BANK1: variants seen among roughly 807,000 people sequenced by gnomAD.
BANK1 encodes B-cell scaffold protein with ankyrin repeats.
A neutral mutation model predicts 94.5 loss-of-function variants in BANK1; 95 were observed. The ratio of observed to expected loss-of-function variants is 1.00; its 90% CI spans 0.85 to 1.19. The LOEUF (loss-of-function observed/expected upper bound fraction) is 1.19, where lower values mean the gene tolerates loss of function less well. BANK1 is among the 50% of genes most tolerant of loss of function. BANK1 has a pLI of 0.00. For synonymous variants in BANK1, 334 were observed against 308.4 expected (o/e 1.08, Z -0.87); for missense variants, 987 against 932.2 (o/e 1.06, Z -0.77).
chr4:101,963,490 T>C (rs549733583), intron 7 of BANK1, among the ~76,000 whole-genome samples: 10 of 152,256 alleles, frequency 6.6e-5, no homozygotes, highest in African/African-American at 2.4e-4. Flanking sequence ...AGCAACATAG[T>C]TGTTTACACA....
In BANK1 at chr4:101,808,915, T is replaced by C. The variant is rs182353600; in HGVS notation, c.70+17965T>C. ...CTGGTAGTGGGAATGTAAACTAGTATAACCACTATGGAAAACAGTATGGAG... is the reference window on the plus strand; with the variant it reads ...CTGGTAGTGGGAATGTAAACTAGTACAACCACTATGGAAAACAGTATGGAG... On this transcript the variant is annotated intron_variant, in intron 1 of 16. Transcript: ENST00000322953. 3.3e-4 allele frequency among the ~76,000 whole-genome samples: 50 copies of C among 152,234 alleles called. No homozygotes were observed. The East Asian group carries it at 9.5e-3, about 29-fold the overall frequency.
intron 7 of BANK1, among the ~76,000 whole-genome samples, chr4:101,966,293 A>C (rs1724753412): frequency 6.6e-6 from 1 of 152,010 alleles, no homozygotes; most frequent in Non-Finnish European, 1.5e-5. Flanking sequence ...CTTTTAAAAA[A>C]TACCTGATTT....
rs984024397 is a variant in BANK1, at chr4:102,033,784, A to G, written c.1900+3519A>G. 9.8e-5 allele frequency among the ~76,000 whole-genome samples: 15 copies of G among 152,292 alleles called. No homozygotes were observed. The South Asian group carries it at 3.1e-3, about 32-fold the overall frequency. ...TTTTTGGCAATTAAGTATATAAAAT[A>G]GGTATGGTTATTTACCCTGTATCCC... On this transcript the variant is annotated intron_variant, in intron 10 of 16. Coordinates refer to ENST00000322953, the MANE Select transcript of BANK1 (RefSeq NM_017935.5).
Position 101,790,909 on chromosome 4 carries a change from T to G in BANK1, c.29T>G (p.Leu10Arg), listed in dbSNP as rs1724956051. Residue 10 changes from leucine (L) to arginine (R), a missense_variant, in exon 1 of 17, where the codon CTT becomes CGT. Physicochemically the swap from Leu to Arg is moderately radical, Grantham distance 102 (BLOSUM62 -2). Coordinates refer to ENST00000322953, the MANE Select transcript of BANK1 (RefSeq NM_017935.5). MLPAAPGKG[L>R]GSPDPAPCGP... Reference sequence around the variant, plus strand: ...CTGCCAGCAGCGCCAGGCAAGGGGCTTGGGAGCCCGGACCCCGCCCCCTGC... The same window carrying G: ...CTGCCAGCAGCGCCAGGCAAGGGGCGTGGGAGCCCGGACCCCGCCCCCTGC... The G allele has an allele frequency of 2.0e-6, 3 of 1,538,350 alleles. No homozygotes were observed. The highest frequency in any genetic ancestry group is 2.6e-6 in the Non-Finnish European group (3 of 1,146,980).
At chr4:101,793,390 C>T (rs1440635832) in intron 1 of BANK1, among the ~76,000 whole-genome samples, 1 of 152,210 alleles carries the variant, frequency 6.6e-6, no homozygotes, top group African/African-American at 2.4e-5. Context: ...TGGAAATGTT[C>T]TGATAAGGTC....
chr4:101,968,778 T>C (rs1724850160), intron 7 of BANK1, among the ~76,000 whole-genome samples: 1 of 152,134 alleles, frequency 6.6e-6, no homozygotes, highest in Non-Finnish European at 1.5e-5. Context: ...AAATTTCTTA[T>C]GCAGGAGGTG....
chr4:101,843,590 C>T (rs1235165841), intron 2 of BANK1, among the ~76,000 whole-genome samples: 1 of 152,066 alleles, frequency 6.6e-6, no homozygotes, highest in African/African-American at 2.4e-5. Flanking sequence ...TTTTCTGTGT[C>T]TAGTATATTG....
intron 5 of BANK1, among the ~76,000 whole-genome samples, chr4:101,873,261 C>A (rs1403793256): frequency 1.3e-5 from 2 of 152,028 alleles, no homozygotes; most frequent in Non-Finnish European, 2.9e-5. Context: ...TTTAAAATAA[C>A]CTACTTACTT....
intron 7 of BANK1, among the ~76,000 whole-genome samples, chr4:101,951,867 A>C (rs541368801): frequency 7.7e-6 from 1 of 130,454 alleles, no homozygotes; most frequent in East Asian, 2.1e-4. Flanking sequence ...TAGATTTATA[A>C]AACAAAAAAA....
At position 102,030,342 on chromosome 4, in the gene BANK1, G is replaced by A. The variant is rs1288902734; in HGVS notation, c.1900+77G>A. 2.3e-5 allele frequency: 32 copies of A among 1,382,356 alleles called. No homozygotes were observed. In the Admixed American group the frequency reaches 7.4e-4, roughly 32 times the overall value. The allele number at this position is 1,382,356 out of a possible 1,614,324, so 85.6% of individuals were successfully genotyped here. On this transcript the variant is annotated intron_variant, in intron 10 of 16. Coordinates refer to ENST00000322953, the MANE Select transcript of BANK1 (RefSeq NM_017935.5). ...TGAGGATGGGAGGAGGGGATAAGGTGATGCAATTAATGCTCTAAAACTCCA... is the reference window on the plus strand; with the variant it reads ...TGAGGATGGGAGGAGGGGATAAGGTAATGCAATTAATGCTCTAAAACTCCA...
intron 7 of BANK1, among the ~76,000 whole-genome samples, chr4:101,970,024 C>T (rs932649354): frequency 2.6e-5 from 4 of 152,142 alleles, no homozygotes; most frequent in Admixed American, 2.0e-4. Context: ...TCTGCAAAGT[C>T]AGTAAGACAG....
chr4:101,918,175 T>C lies in BANK1; in HGVS notation c.1192T>C (p.Phe398Leu). 2 of 1,567,496 alleles carry C rather than the reference T, an allele frequency of 1.3e-6. No homozygotes were observed. Among genetic ancestry groups the C allele is most frequent in the Admixed American group, 1.8e-5 (1 of 55,176 alleles). Reference protein sequence around the residue: ...RHGHKELKKIFEDFSIQEIDI... With the variant: ...RHGHKELKKILEDFSIQEIDI... ...TGGTCACAAAGAACTCAAGAAAATC[T>C]TCGAAGACTTTTCAGTAAGTTTTTT... The change falls in exon 7 of 17, where the codon TTC becomes CTC. Residue 398 changes from phenylalanine to leucine, a missense_variant. By Grantham distance (22) the Phe-to-Leu change is conservative (BLOSUM62 0). Coordinates refer to ENST00000322953, the MANE Select transcript of BANK1 (RefSeq NM_017935.5).
chr4:102,063,212 T>G (rs1260191147), intron 13 of BANK1, 74 bp downstream of exon 13: 1 of 1,334,294 alleles, frequency 7.5e-7, no homozygotes. Context: ...TGGAGATGAT[T>G]GGGCCTGAGT....
At chr4:101,880,428 G>A (rs1728636008) in intron 5 of BANK1, among the ~76,000 whole-genome samples, 1 of 151,836 alleles carries the variant, frequency 6.6e-6, no homozygotes, top group South Asian at 2.1e-4. Flanking sequence ...GAAATAAAAT[G>A]AAGAGATGAA....
At chr4:102,058,633 T>C (rs1728312704) in intron 11 of BANK1, among the ~76,000 whole-genome samples, 1 of 151,732 alleles carries the variant, frequency 6.6e-6, no homozygotes, top group Non-Finnish European at 1.5e-5. Flanking sequence ...AGTGCCTAAA[T>C]CATTTTTCTT....
At chr4:101,894,952 C>T (rs1722009480) in intron 5 of BANK1, among the ~76,000 whole-genome samples, 2 of 151,452 alleles carry the variant, frequency 1.3e-5, no homozygotes, top group Admixed American at 6.6e-5. Context: ...ATATTTTTAC[C>T]AAAATTTATT....
intron 7 of BANK1, among the ~76,000 whole-genome samples, chr4:102,002,948 A>G (rs1204753725): frequency 6.6e-6 from 1 of 152,020 alleles, no homozygotes; most frequent in Non-Finnish European, 1.5e-5. Context: ...TAATTTTGGT[A>G]TTTTATGTAG....
chr4:101,813,805 G>T, intron 1 of BANK1: 1 of 952,604 alleles, frequency 1.0e-6, no homozygotes, highest in Non-Finnish European at 1.2e-6. Flanking sequence ...GACACACTTT[G>T]CTAGGTCTGC....
In BANK1 at chr4:101,909,377, C is replaced by T. The variant is rs563491713; in HGVS notation, c.1010-8616C>T. Among the ~76,000 whole-genome samples, 28 of 152,232 alleles carry T rather than the reference C, an allele frequency of 1.8e-4. No individual in the cohort carries two copies. The South Asian group carries it at 3.9e-3, about 21-fold the overall frequency. On this transcript the variant is annotated intron_variant, in intron 6 of 16. Coordinates refer to ENST00000322953, the MANE Select transcript of BANK1 (RefSeq NM_017935.5). Reference sequence around the variant, plus strand: ...TGGACACAGGAAGAGGAACATCACACACCGGGGCCTGTCGTGGGGTGGGGG... The same window carrying T: ...TGGACACAGGAAGAGGAACATCACATACCGGGGCCTGTCGTGGGGTGGGGG...
Sources: allele counts gnomAD v4.1 joint callset (sites outside exome capture counted in the v4.1 genomes callset), GRCh38; gene constraint gnomAD v4.1.1; transcripts MANE v1.5; gene names NCBI Gene and HGNC (gene_info 2026-07-23, HGNC 2026-07-21).